Variants in SLC25A4 observed in about 807,000 individuals in gnomAD.
The protein encoded by SLC25A4 is ADP/ATP translocase 1.
SLC25A4 carries 10 observed loss-of-function variants against 24.7 expected under a neutral mutation model. The ratio of observed to expected loss-of-function variants is 0.41; its 90% CI spans 0.25 to 0.69. The LOEUF is 0.69. SLC25A4 is among the 30% of genes least tolerant of loss of function. The pLI is 0.35. For missense variants in SLC25A4, 273 were observed against 387.6 expected, an observed-to-expected ratio of 0.70 and a Z score of 2.48; for synonymous variants, 125 against 153.3, an observed-to-expected ratio of 0.82 and a Z score of 1.36.
rs1304970989 is a variant in SLC25A4, at chr4:185,145,710, C to A, written c.599-49C>A. On this transcript the variant is annotated intron_variant, in intron 2 of 3. Coordinates refer to ENST00000281456, the MANE Select transcript of SLC25A4 (RefSeq NM_001151.4). This position sits in a 1 kb window ranked among gnomAD's most constrained non-coding sequence, Gnocchi z 5.5. ...CCTCTCTCCCTCCACCTGCTTTCTGCTGAGAACAGGCACTTCATAGCCGTT... is the reference window on the plus strand; with the variant it reads ...CCTCTCTCCCTCCACCTGCTTTCTGATGAGAACAGGCACTTCATAGCCGTT... The A allele has an allele frequency of 6.2e-7, 1 of 1,610,772 alleles. No homozygotes were observed.
chr4:185,144,690 C>G (rs1579209297), intron 1 of SLC25A4, 74 bp from the exon 2 acceptor site: 58 of 1,405,066 alleles, frequency 4.1e-5, no homozygotes, highest in Non-Finnish European at 5.4e-5. Context: ...AAGTGCAAAC[C>G]TTTTTTTTTC....
chr4:185,145,961 G>A lies in SLC25A4; in HGVS notation c.739+62G>A, dbSNP rs1247416011. The stretch of plus-strand genomic sequence containing the variant: ...TTTGCCCGAGGAGAACATTTTACAG[G>A]GCTCCTTTCAGTCTTCCTTACTGGA... On this transcript the variant is annotated intron_variant, in intron 3 of 3. Transcript: ENST00000281456. The surrounding 1 kb of genome is among the most constrained non-coding windows in gnomAD (Gnocchi z 5.5). The A allele has an allele frequency of 1.3e-5, 21 of 1,583,786 alleles. No individual in the cohort carries two copies. Among genetic ancestry groups the A allele is most frequent in the African/African-American group, 4.0e-5 (3 of 74,330 alleles).
chr4:185,144,301 C>G (rs908581840), intron 1 of SLC25A4, among the ~76,000 whole-genome samples: 3 of 152,162 alleles, frequency 2.0e-5, no homozygotes, highest in African/African-American at 7.2e-5. Flanking sequence ...TCTATTAGAG[C>G]ATCTAGTAGA....
Position 185,147,035 on chromosome 4 carries a change from G to A in SLC25A4, c.*64G>A, listed in dbSNP as rs1579210943. 1 of 1,488,322 alleles carries A rather than the reference G, an allele frequency of 6.7e-7. No homozygotes were observed. The highest frequency in any genetic ancestry group is 2.3e-5 in the East Asian group (1 of 43,484). The allele number at this position is 1,488,322 out of a possible 1,614,324, so 92.2% of individuals were successfully genotyped here. ...TGATCTACAAGTTCACAGATCCATT[G>A]TGTGGTTTAATAGACTATTCCTAGG... On this transcript the variant is annotated 3_prime_UTR_variant, in exon 4 of 4. Transcript: ENST00000281456.
rs1734435718 is a variant in SLC25A4 at position 185,145,974 on chromosome 4, C to T, written c.739+75C>T. 6.5e-7 allele frequency: 1 copy of T among 1,538,190 alleles called. No homozygotes were observed. Among genetic ancestry groups the T allele is most frequent in the Non-Finnish European group, 8.9e-7 (1 of 1,119,422 alleles). ...AACATTTTACAGGGCTCCTTTCAGTCTTCCTTACTGGAAATTAATTTTCAA... is the reference window on the plus strand; with the variant it reads ...AACATTTTACAGGGCTCCTTTCAGTTTTCCTTACTGGAAATTAATTTTCAA... On this transcript the variant is annotated intron_variant, in intron 3 of 3. Transcript: ENST00000281456. This position sits in a 1 kb window ranked among gnomAD's most constrained non-coding sequence, Gnocchi z 5.5.
At chr4:185,144,172 C>T (rs1734395930) in intron 1 of SLC25A4, among the ~76,000 whole-genome samples, 1 of 152,170 alleles carries the variant, frequency 6.6e-6, no homozygotes. Context: ...GTCAGAATTA[C>T]TAACAACAAA....
chr4:185,145,499 C>A lies in SLC25A4; in HGVS notation c.598+249C>A. 3.0e-6 allele frequency: 2 copies of A among 665,420 alleles called. No homozygotes were observed. The highest frequency in any genetic ancestry group is 5.0e-6 in the Non-Finnish European group (2 of 396,768). The allele number at this position is 665,420 out of a possible 1,614,324, so 41.2% of individuals were successfully genotyped here. A position where few individuals can be genotyped will look rare whatever the true frequency, so the allele number is the denominator to read the frequency against. On this transcript the variant is annotated intron_variant, in intron 2 of 3. Transcript: ENST00000281456. The surrounding 1 kb of genome is among the most constrained non-coding windows in gnomAD (Gnocchi z 5.5). ...GGGGGAGCCTGTCTCCCTCTAGACA[C>A]AGCCATAGCAGTTACTGAGTTTAAC...
Position 185,144,962 on chromosome 4 carries a change from G to T in SLC25A4, c.310G>T (p.Asp104Tyr). ...KYKQLFLGGV[D>Y]RHKQFWRYFA... is the part of the protein sequence containing the mutation. Reference sequence around the variant, plus strand: ...CAAGCAGCTCTTCTTAGGGGGTGTGGATCGGCATAAGCAGTTCTGGCGCTA... The same window carrying T: ...CAAGCAGCTCTTCTTAGGGGGTGTGTATCGGCATAAGCAGTTCTGGCGCTA... Residue 104 changes from aspartate (D) to tyrosine (Y), a missense_variant, in exon 2 of 4, where the codon GAT (aspartate) becomes TAT (tyrosine). Transcript: ENST00000281456. The T allele has an allele frequency of 6.2e-7, 1 of 1,614,182 alleles. No individual in the cohort carries two copies. The highest frequency in any genetic ancestry group is 8.5e-7 in the Non-Finnish European group (1 of 1,180,038).
At chr4:185,144,142 A>G (rs1019737087) in intron 1 of SLC25A4, among the ~76,000 whole-genome samples, 1 of 152,162 alleles carries the variant, frequency 6.6e-6, no homozygotes, top group African/African-American at 2.4e-5. Context: ...CCCCTCAATG[A>G]GGAAGAGCCC....
At position 185,145,635 on chromosome 4, in the gene SLC25A4, C is replaced by T. The variant is rs906172486; in HGVS notation, c.599-124C>T. The T allele has an allele frequency of 4.0e-6, 5 of 1,236,008 alleles. No homozygotes were observed. The highest frequency in any genetic ancestry group is 5.7e-6 in the Non-Finnish European group (5 of 870,164). The allele number at this position is 1,236,008 out of a possible 1,614,324, so 76.6% of individuals were successfully genotyped here. The stretch of plus-strand genomic sequence containing the variant: ...CCTGGTCATATGTGAAGCACCTGCA[C>T]AGGGGCAGGTTCCCCGCAAGGTCAG... On this transcript the variant is annotated intron_variant, in intron 2 of 3. Coordinates refer to ENST00000281456, the MANE Select transcript of SLC25A4 (RefSeq NM_001151.4). The surrounding 1 kb of genome is among the most constrained non-coding windows in gnomAD (Gnocchi z 5.5).
At position 185,145,435 on chromosome 4, in the gene SLC25A4, G is replaced by A. The variant is rs1042725502; in HGVS notation, c.598+185G>A. 2.3e-6 allele frequency: 2 copies of A among 883,630 alleles called. No individual in the cohort carries two copies. The highest frequency in any genetic ancestry group is 3.4e-5 in the African/African-American group (2 of 59,512). The allele number at this position is 883,630 out of a possible 1,614,324, so 54.7% of individuals were successfully genotyped here. On this transcript the variant is annotated intron_variant, in intron 2 of 3. Transcript: ENST00000281456. This position sits in a 1 kb window ranked among gnomAD's most constrained non-coding sequence, Gnocchi z 5.5. Reference sequence around the variant, plus strand: ...TGAAGCGTTCCTTGTGTCCTCTACTGAAATAAACTCTGGCCTTTAGTTATT... The same window carrying A: ...TGAAGCGTTCCTTGTGTCCTCTACTAAAATAAACTCTGGCCTTTAGTTATT...
At chr4:185,143,819 C>A (rs1028388090) in intron 1 of SLC25A4, among the ~76,000 whole-genome samples, 4 of 152,058 alleles carry the variant, frequency 2.6e-5, no homozygotes, top group African/African-American at 9.7e-5. Context: ...TAGTGATTGC[C>A]AGTATTTTTG....
chr4:185,149,881 T>C lies in SLC25A4; in HGVS notation c.*2910T>C, dbSNP rs1456912810. The C allele has an allele frequency of 6.6e-6, 1 of 152,224 alleles. No individual in the cohort carries two copies. Among genetic ancestry groups the C allele is most frequent in the African/African-American group, 2.4e-5 (1 of 41,458 alleles). The allele number at this position is 152,224 out of a possible 1,614,324, so 9.4% of individuals were successfully genotyped here. A position where few individuals can be genotyped will look rare whatever the true frequency, so the allele number is the denominator to read the frequency against. ...TATTTTAAATGTATGAGAAAAATTATGGAGGATGATGCAAGATGAGTGAGT... is the reference window on the plus strand; with the variant it reads ...TATTTTAAATGTATGAGAAAAATTACGGAGGATGATGCAAGATGAGTGAGT... On this transcript the variant is annotated 3_prime_UTR_variant, in exon 4 of 4. Transcript: ENST00000281456.
chr4:185,146,780 G>A (rs201780209), intron 3 of SLC25A4, 34 bp from the exon 4 acceptor site: 11 of 1,613,582 alleles, frequency 6.8e-6, no homozygotes, highest in African/African-American at 4.0e-5. Flanking sequence ...TTCCTCCAGC[G>A]TTACGGAGCC....
chr4:185,146,779 C>T lies in SLC25A4; in HGVS notation c.740-35C>T, dbSNP rs1734448967. The T allele has an allele frequency of 5.0e-6, 8 of 1,613,110 alleles. 1 individual carries two copies. In the South Asian group the frequency reaches 6.6e-5, roughly 13 times the overall value. ...CAGGGGAAAAGTCTCTTTCCTCCAG[C>T]GTTACGGAGCCCTCACCAGCATTTG... On this transcript the variant is annotated intron_variant, in intron 3 of 3. Transcript: ENST00000281456.
At position 185,145,444 on chromosome 4, in the gene SLC25A4, T is replaced by C; in HGVS notation, c.598+194T>C. 1 of 843,056 alleles carries C rather than the reference T, an allele frequency of 1.2e-6. No individual in the cohort carries two copies. The highest frequency in any genetic ancestry group is 1.8e-6 in the Non-Finnish European group (1 of 551,076). 52.2% of individuals were successfully genotyped at this position (843,056 alleles called of 1,614,324 possible). Reference sequence around the variant, plus strand: ...CCTTGTGTCCTCTACTGAAATAAACTCTGGCCTTTAGTTATTCAGAGAGGA... The same window carrying C: ...CCTTGTGTCCTCTACTGAAATAAACCCTGGCCTTTAGTTATTCAGAGAGGA... On this transcript the variant is annotated intron_variant, in intron 2 of 3. Transcript: ENST00000281456. This position sits in a 1 kb window ranked among gnomAD's most constrained non-coding sequence, Gnocchi z 5.5.
In SLC25A4 at chr4:185,147,074, T is replaced by TC; in HGVS notation, c.*104dup. ...ACTATTCCTAGGGGAAGTAAAAAGA[T>TC]CTGGGATAAAACCAGACTGAAAGGA... On this transcript the variant is annotated 3_prime_UTR_variant, in exon 4 of 4. Coordinates refer to ENST00000281456, the MANE Select transcript of SLC25A4 (RefSeq NM_001151.4). 8.9e-7 allele frequency: 1 copy of TC among 1,125,350 alleles called. No individual in the cohort carries two copies. Among genetic ancestry groups the TC allele is most frequent in the Admixed American group, 2.0e-5 (1 of 48,984 alleles). The allele number at this position is 1,125,350 out of a possible 1,614,324, so 69.7% of individuals were successfully genotyped here. A position where few individuals can be genotyped will look rare whatever the true frequency, so the allele number is the denominator to read the frequency against.
Position 185,143,282 on chromosome 4 carries a change from G to A in SLC25A4, c.-91G>A. ...CCAGGCGGCGGCCCCCTAGCGTCGC[G>A]CAGGGTCGGGGACTGCGCGGCGGTG... On this transcript the variant is annotated 5_prime_UTR_variant, in exon 1 of 4. Transcript: ENST00000281456. The A allele has an allele frequency of 1.5e-6, 1 of 678,544 alleles. No homozygotes were observed. 42.0% of individuals were successfully genotyped at this position (678,544 alleles called of 1,614,324 possible).
At position 185,143,393 on chromosome 4, in the gene SLC25A4, C is replaced by T. The variant is rs753183212; in HGVS notation, c.21C>T (p.Ser7=). 3 of 1,530,074 alleles carry T rather than the reference C, an allele frequency of 2.0e-6. No homozygotes were observed. The highest frequency in any genetic ancestry group is 2.6e-6 in the Non-Finnish European group (3 of 1,135,606). The allele number at this position is 1,530,074 out of a possible 1,614,324, so 94.8% of individuals were successfully genotyped here. ...TCACCATGGGTGATCACGCTTGGAGCTTCCTAAAGGACTTCCTGGCCGGGG... is the reference window on the plus strand; with the variant it reads ...TCACCATGGGTGATCACGCTTGGAGTTTCCTAAAGGACTTCCTGGCCGGGG... MGDHAW[S]FLKDFLAGGV... is the part of the protein sequence containing the mutation. Residue 7 remains serine, a synonymous_variant, in exon 1 of 4, where the codon AGC becomes AGT. Coordinates refer to ENST00000281456, the MANE Select transcript of SLC25A4 (RefSeq NM_001151.4).
Sources: gnomAD v4.1 joint callset for allele counts (sites outside exome capture counted in the v4.1 genomes callset) on GRCh38, gnomAD v4.1.1 for gene constraint, Gnocchi (gnomAD v3.1) non-coding constraint, MANE v1.5 for transcripts, NCBI Gene and HGNC (gene_info 2026-07-23, HGNC 2026-07-21) for gene names.